Variants in DDX10 observed in about 807,000 individuals in gnomAD.
DDX10 encodes the protein DEAD-box helicase 10.
In DDX10, 74 loss-of-function variants were observed where a neutral mutation model predicts 104.3. That is an observed-to-expected ratio of 0.71 (90% CI 0.59 to 0.86). The LOEUF (loss-of-function observed/expected upper bound fraction) is 0.86, where lower values mean the gene tolerates loss of function less well. DDX10 is among the 40% of genes least tolerant of loss of function. The pLI is 0.00. For synonymous variants in DDX10, 351 were observed against 353.4 expected, an observed-to-expected ratio of 0.99 and a Z score of 0.08; for missense variants, 952 against 1,040.0, an observed-to-expected ratio of 0.92 and a Z score of 1.16.
At chr11:108,917,591 A>G (rs771556558) in intron 16 of DDX10, among the ~76,000 whole-genome samples, 38 of 152,110 alleles carry the variant, frequency 2.5e-4, no homozygotes, top group Non-Finnish European at 1.5e-4. Context: ...AATTGAGTTG[A>G]GTTACACAGA....
At chr11:108,731,943 C>T (rs2094312839) in intron 13 of DDX10, among the ~76,000 whole-genome samples, 1 of 152,122 alleles carries the variant, frequency 6.6e-6, no homozygotes, top group Admixed American at 6.5e-5. Flanking sequence ...ATTTTTGTTG[C>T]TCATGTTTTA....
chr11:108,669,999 A>G (rs2094215006), intron 1 of DDX10, among the ~76,000 whole-genome samples: 1 of 152,252 alleles, frequency 6.6e-6, no homozygotes, highest in South Asian at 2.1e-4. Context: ...TTTGACCTCC[A>G]GAGCTCTAAG....
intron 13 of DDX10, among the ~76,000 whole-genome samples, chr11:108,773,685 G>T (rs1465773461): frequency 1.3e-5 from 2 of 151,908 alleles, no homozygotes; most frequent in Admixed American, 1.3e-4. Context: ...AGATACTTAA[G>T]GGTTGGCATT....
Position 108,896,378 on chromosome 11 carries a change from G to C in DDX10, c.2305-21495G>C, listed in dbSNP as rs567968938. Reference sequence around the variant, plus strand: ...TATTTTTTTTTTTCTTCCTGCCAATGCGTGTTTTAACTGTACTCTCTAGGC... The same window carrying C: ...TATTTTTTTTTTTCTTCCTGCCAATCCGTGTTTTAACTGTACTCTCTAGGC... On this transcript the variant is annotated intron_variant, in intron 16 of 17. Coordinates refer to ENST00000322536, the MANE Select transcript of DDX10 (RefSeq NM_004398.4). Among the ~76,000 whole-genome samples, 4 of 149,854 alleles carry C rather than the reference G, an allele frequency of 2.7e-5. No individual in the cohort carries two copies. The East Asian group carries it at 7.8e-4, about 29-fold the overall frequency.
At chr11:108,739,362 G>T (rs1156335198) in intron 13 of DDX10, among the ~76,000 whole-genome samples, 1 of 152,288 alleles carries the variant, frequency 6.6e-6, no homozygotes, top group Admixed American at 6.5e-5. Context: ...TAAATTAGTG[G>T]GCAGTTAGCT....
At chr11:108,795,428 G>T (rs1861928000) in intron 13 of DDX10, among the ~76,000 whole-genome samples, 1 of 151,300 alleles carries the variant, frequency 6.6e-6, no homozygotes, top group Non-Finnish European at 1.5e-5. Flanking sequence ...TGCCATGTTG[G>T]TGTGCTGCAC....
At chr11:108,673,600 G>C (rs1349399075) in intron 2 of DDX10, 73 bp downstream of exon 2, 6 of 1,130,120 alleles carry the variant, frequency 5.3e-6, no homozygotes, top group Non-Finnish European at 7.8e-6. Context: ...AAGATTTAGA[G>C]GGTTTAGCCT....
chr11:108,877,088 T>C lies in DDX10; in HGVS notation c.2304+24879T>C, dbSNP rs1475686340. Among the ~76,000 whole-genome samples the C allele has an allele frequency of 2.0e-5, 3 of 152,312 alleles. No homozygotes were observed. The South Asian group carries it at 6.2e-4, about 32-fold the overall frequency. The stretch of plus-strand genomic sequence containing the variant: ...TTGTCTTCATAAACAATCAAAAATA[T>C]TCTGGAAAATTCAAAACTCTGAATA... On this transcript the variant is annotated intron_variant, in intron 16 of 17. Coordinates refer to ENST00000322536, the MANE Select transcript of DDX10 (RefSeq NM_004398.4).
rs766611753 is a variant in DDX10, at chr11:108,940,367, C to G, written c.2572C>G (p.Leu858Val). The change falls in exon 18 of 18, where the codon CTG (leucine) becomes GTG (valine). Residue 858 changes from leucine (L) to valine (V), a missense_variant. Transcript: ENST00000322536. ...WDTLEPLDTGLSLAEDEELVL... is the reference protein window; with the variant it reads ...WDTLEPLDTGVSLAEDEELVL... Reference sequence around the variant, plus strand: ...CACTTTAGAGCCTTTGGATACCGGCCTGTCTTTAGCAGAGGATGAAGAGCT... The same window carrying G: ...CACTTTAGAGCCTTTGGATACCGGCGTGTCTTTAGCAGAGGATGAAGAGCT... 5 of 1,614,012 alleles carry G rather than the reference C, an allele frequency of 3.1e-6. No individual in the cohort carries two copies. Among genetic ancestry groups the G allele is most frequent in the Non-Finnish European group, 3.4e-6 (4 of 1,180,000 alleles).
chr11:108,691,216 A>T (rs1202227807), intron 7 of DDX10, among the ~76,000 whole-genome samples: 1 of 152,220 alleles, frequency 6.6e-6, no homozygotes, highest in Admixed American at 6.5e-5. Context: ...ACCAAAAATT[A>T]TTTGGAATAA....
rs1256867196 is a variant in DDX10, at chr11:108,665,204, G to C, written c.51G>C (p.Val17=). ...SPGSGARPDP[V]RSFNRWKKKH... is the part of the protein sequence containing the mutation. ...GTTCGGGAGCCCGACCCGACCCGGT[G>C]CGGAGCTTCAATCGCTGGAAGAAAA... The change falls in exon 1 of 18, where the codon GTG becomes GTC. Residue 17 remains valine, a synonymous_variant. Transcript: ENST00000322536. 3.7e-6 allele frequency: 6 copies of C among 1,613,510 alleles called. No homozygotes were observed. Among genetic ancestry groups the C allele is most frequent in the Non-Finnish European group, 5.1e-6 (6 of 1,179,800 alleles).
At chr11:108,719,989 A>G (rs2134473264) in intron 12 of DDX10, 104 bp downstream of exon 12, 1 of 756,030 alleles carries the variant, frequency 1.3e-6, no homozygotes, top group Non-Finnish European at 2.3e-6. Context: ...GGCTGTCTCA[A>G]ACCCCTGTGC....
At chr11:108,767,668 G>A (rs79895741) in intron 13 of DDX10, among the ~76,000 whole-genome samples, 281 of 152,218 alleles carry the variant, frequency 1.8e-3, no homozygotes, top group African/African-American at 6.2e-3. Flanking sequence ...CCTTTACTTA[G>A]CTTTTTCCTT....
intron 13 of DDX10, among the ~76,000 whole-genome samples, chr11:108,830,407 AGTTTGCTGAATTC>A (rs1862453380): frequency 6.6e-6 from 1 of 152,172 alleles, no homozygotes; most frequent in Admixed American, 6.5e-5. Flanking sequence ...GTATCCTGAA[AGTTTGCTGAATTC>A]ATTTACCGGT....
chr11:108,905,232 G>T (rs776701656), intron 16 of DDX10, among the ~76,000 whole-genome samples: 71 of 141,120 alleles, frequency 5.0e-4, no homozygotes, highest in Non-Finnish European at 9.1e-4. Context: ...TCCATACAAA[G>T]ATCTTTTAGA....
chr11:108,904,065 A>G (rs964123929), intron 16 of DDX10, among the ~76,000 whole-genome samples: 3 of 151,996 alleles, frequency 2.0e-5, no homozygotes, highest in African/African-American at 4.8e-5. Flanking sequence ...AGTCATTGGT[A>G]TTATAATATT....
At chr11:108,695,811 C>T in intron 9 of DDX10, among the ~76,000 whole-genome samples, 1 of 147,254 alleles carries the variant, frequency 6.8e-6, no homozygotes. Flanking sequence ...TGTGGGCCAT[C>T]TTTAAACGTG....
In DDX10 at chr11:108,717,645, A is replaced by AT. The variant is rs1327588252; in HGVS notation, c.1410+1685dup. 2.0e-5 allele frequency among the ~76,000 whole-genome samples: 3 copies of AT among 152,278 alleles called. No homozygotes were observed. In the South Asian group the frequency reaches 6.2e-4, roughly 32 times the overall value. On this transcript the variant is annotated intron_variant, in intron 11 of 17. Coordinates refer to ENST00000322536, the MANE Select transcript of DDX10 (RefSeq NM_004398.4). ...GTTTTATATAAAGAAGAGATCTTAAATTTTTTGCTAACTTATTTTATATTT... is the reference window on the plus strand; with the variant it reads ...GTTTTATATAAAGAAGAGATCTTAAATTTTTTTGCTAACTTATTTTATATTT...
intron 13 of DDX10, among the ~76,000 whole-genome samples, chr11:108,830,341 T>G (rs970292387): frequency 6.6e-6 from 1 of 152,216 alleles, no homozygotes; most frequent in Non-Finnish European, 1.5e-5. Flanking sequence ...GGTTGAGTTC[T>G]TGATTTGATT....
Sources: allele counts gnomAD v4.1 joint callset (sites outside exome capture counted in the v4.1 genomes callset), GRCh38; gene constraint gnomAD v4.1.1; transcripts MANE v1.5; gene names NCBI Gene and HGNC (gene_info 2026-07-23, HGNC 2026-07-21).